The following HS3ST3B1 variants were observed in gnomAD, a reference collection of about 807,000 sequenced individuals.
The protein encoded by HS3ST3B1 is heparan sulfate-glucosamine 3-sulfotransferase 3B1.
HS3ST3B1 carries 13 observed loss-of-function variants against 21.3 expected under a neutral mutation model. That is an observed-to-expected ratio of 0.61 (90% confidence interval 0.40 to 0.97). The LOEUF is 0.97. Among genes scored for constraint, HS3ST3B1 ranks in the 50% least tolerant of loss-of-function variants. HS3ST3B1 has a pLI of 0.00. For synonymous variants in HS3ST3B1, 234 were observed against 254.8 expected, an observed-to-expected ratio of 0.92 and a Z score of 0.78; for missense variants, 459 against 554.8, an observed-to-expected ratio of 0.83 and a Z score of 1.73.
chr17:14,306,849 T>A (rs899478997), intron 1 of HS3ST3B1, among the ~76,000 whole-genome samples: 5 of 152,112 alleles, frequency 3.3e-5, no homozygotes, highest in African/African-American at 1.2e-4. Context: ...AAATCTACAT[T>A]TGTATGCAAC....
intron 1 of HS3ST3B1, chr17:14,328,613 CAAG>C (rs1909888665): frequency 1.3e-5 from 2 of 152,178 alleles, no homozygotes; most frequent in African/African-American, 2.4e-5. Context: ...GTACTGATGA[CAAG>C]AAGGAGTGTG....
chr17:14,340,876 C>A (rs1363856146), intron 1 of HS3ST3B1, among the ~76,000 whole-genome samples: 1 of 152,216 alleles, frequency 6.6e-6, no homozygotes, highest in Admixed American at 6.5e-5. Context: ...AGCCACCAAG[C>A]CCGGCTGAGT....
At chr17:14,307,510 G>A (rs560414927) in intron 1 of HS3ST3B1, among the ~76,000 whole-genome samples, 55 of 151,858 alleles carry the variant, frequency 3.6e-4, no homozygotes, top group African/African-American at 1.2e-3. Context: ...ATAATATGTT[G>A]TAGGAATAAG....
chr17:14,311,873 C>T (rs562399652), intron 1 of HS3ST3B1, among the ~76,000 whole-genome samples: 3 of 152,146 alleles, frequency 2.0e-5, no homozygotes. Context: ...TTAAAACAGG[C>T]TCGAGGAGAT....
At position 14,303,714 on chromosome 17, in the gene HS3ST3B1, G is replaced by C. The variant is rs1279528358; in HGVS notation, c.554+1642G>C. ...AGGGCCTCTCTAATCGTTAGCTATTGTCACCGATTGTATTGTTATGACTTC... is the reference window on the plus strand; with the variant it reads ...AGGGCCTCTCTAATCGTTAGCTATTCTCACCGATTGTATTGTTATGACTTC... On this transcript the variant is annotated intron_variant, in intron 1 of 1. Coordinates refer to ENST00000360954, the MANE Select transcript of HS3ST3B1 (RefSeq NM_006041.3). The surrounding 1 kb of genome is among the most constrained non-coding windows in gnomAD (Gnocchi z 5.7). 2.0e-5 allele frequency: 3 copies of C among 152,250 alleles called. No individual in the cohort carries two copies. The highest frequency in any genetic ancestry group is 4.4e-5 in the Non-Finnish European group (3 of 68,092). 9.4% of individuals were successfully genotyped at this position (152,250 alleles called of 1,614,324 possible).
At chr17:14,339,257 TAAC>T (rs1910296037) in intron 1 of HS3ST3B1, among the ~76,000 whole-genome samples, 1 of 152,172 alleles carries the variant, frequency 6.6e-6, no homozygotes, top group African/African-American at 2.4e-5. Flanking sequence ...AGAAGGCAGT[TAAC>T]AATGGGATCA....
intron 1 of HS3ST3B1, among the ~76,000 whole-genome samples, chr17:14,338,318 G>A (rs1910254940): frequency 6.6e-6 from 1 of 151,564 alleles, no homozygotes; most frequent in Admixed American, 6.6e-5. Flanking sequence ...TAGAGATGGG[G>A]TTTCATCATG....
At chr17:14,332,829 CTTTTTTTTTTTT>C (rs71147859) in intron 1 of HS3ST3B1, among the ~76,000 whole-genome samples, 2 of 91,040 alleles carry the variant, frequency 2.2e-5, no homozygotes, top group Admixed American at 1.3e-4. Context: ...GACCTTTTAT[CTTTTTTTTTTTT>C]TTTTTTTTTT....
chr17:14,339,366 T>C (rs1441796235), intron 1 of HS3ST3B1, among the ~76,000 whole-genome samples: 1 of 152,166 alleles, frequency 6.6e-6, no homozygotes, highest in Non-Finnish European at 1.5e-5. Flanking sequence ...CCTATTAGGC[T>C]ACTAATGTAT....
At chr17:14,340,022 C>A (rs1468802467) in intron 1 of HS3ST3B1, among the ~76,000 whole-genome samples, 2 of 152,116 alleles carry the variant, frequency 1.3e-5, no homozygotes, top group Admixed American at 1.3e-4. Context: ...GTGAGGGTGG[C>A]AGAAGAAGAG....
chr17:14,312,459 T>C (rs551942219), intron 1 of HS3ST3B1, among the ~76,000 whole-genome samples: 1 of 152,308 alleles, frequency 6.6e-6, no homozygotes, highest in Admixed American at 6.5e-5. Context: ...TAAAAGCATT[T>C]CCAAGATTCT....
chr17:14,345,790 T>C lies in HS3ST3B1; in HGVS notation c.*144T>C. The stretch of plus-strand genomic sequence containing the variant: ...TCACTAAGCTGCCTAGCCACACTCT[T>C]TAGAGAGTTAGCTTCATAATCTGTT... On this transcript the variant is annotated 3_prime_UTR_variant, in exon 2 of 2. Coordinates refer to ENST00000360954, the MANE Select transcript of HS3ST3B1 (RefSeq NM_006041.3). 2.9e-6 allele frequency: 3 copies of C among 1,026,164 alleles called. No individual in the cohort carries two copies. The highest frequency in any genetic ancestry group is 2.7e-6 in the Non-Finnish European group (2 of 728,056). The allele number at this position is 1,026,164 out of a possible 1,614,324, so 63.6% of individuals were successfully genotyped here.
At chr17:14,313,419 A>G (rs9890382) in intron 1 of HS3ST3B1, among the ~76,000 whole-genome samples, 86,054 of 151,634 alleles carry the variant, frequency 0.57, 24,774 homozygotes, top group Admixed American at 0.67. Context: ...TCTCTGCAGG[A>G]CCTCCTCTTG....
chr17:14,342,409 A>G (rs1447198337), intron 1 of HS3ST3B1, among the ~76,000 whole-genome samples: 2 of 152,216 alleles, frequency 1.3e-5, no homozygotes, highest in Non-Finnish European at 2.9e-5. Context: ...TTCTGATTGT[A>G]GATCTGTGAT....
intron 1 of HS3ST3B1, among the ~76,000 whole-genome samples, chr17:14,323,109 T>C: frequency 6.6e-6 from 1 of 152,066 alleles, no homozygotes; most frequent in East Asian, 1.9e-4. Flanking sequence ...GGTTTCACCA[T>C]GTTGGCCAGG....
chr17:14,331,260 G>C (rs9893188), intron 1 of HS3ST3B1, among the ~76,000 whole-genome samples: 4 of 151,614 alleles, frequency 2.6e-5, no homozygotes, highest in African/African-American at 9.7e-5. Context: ...GAGCTCACCC[G>C]CAAAAGACTA....
rs183404284 is a variant in HS3ST3B1, at chr17:14,320,455, G to A, written c.554+18383G>A. The stretch of plus-strand genomic sequence containing the variant: ...GCAGGGAAGGACCCAGCAGAAGAGA[G>A]TGACCGCATGAGGGGAGTCGAGGAT... On this transcript the variant is annotated intron_variant, in intron 1 of 1. Coordinates refer to ENST00000360954, the MANE Select transcript of HS3ST3B1 (RefSeq NM_006041.3). Among the ~76,000 whole-genome samples the A allele has an allele frequency of 5.9e-5, 9 of 152,268 alleles. No individual in the cohort carries two copies. The East Asian group carries it at 1.7e-3, about 29-fold the overall frequency.
intron 1 of HS3ST3B1, among the ~76,000 whole-genome samples, chr17:14,313,885 A>G (rs574319001): frequency 6.6e-6 from 1 of 152,120 alleles, no homozygotes; most frequent in South Asian, 2.1e-4. Flanking sequence ...CATCATTTCT[A>G]AGGAGGTGCT....
intron 1 of HS3ST3B1, among the ~76,000 whole-genome samples, chr17:14,336,456 C>T (rs1202764963): frequency 6.6e-6 from 1 of 152,114 alleles, no homozygotes; most frequent in Admixed American, 6.5e-5. Flanking sequence ...ATTTCCTACG[C>T]CTTTAGCCTT....
Sources: gnomAD v4.1 joint callset for allele counts (sites outside exome capture counted in the v4.1 genomes callset) on GRCh38, gnomAD v4.1.1 for gene constraint, Gnocchi (gnomAD v3.1) non-coding constraint, MANE v1.5 for transcripts, NCBI Gene and HGNC (gene_info 2026-07-23, HGNC 2026-07-21) for gene names.